Variants in SLC16A5 observed in about 807,000 individuals in gnomAD.
SLC16A5 encodes the protein solute carrier family 16 member 5, also known as monocarboxylate transporter 6.
A neutral mutation model predicts 33.2 loss-of-function variants in SLC16A5; 29 were observed. The ratio of observed to expected loss-of-function variants is 0.87; its 90% CI spans 0.65 to 1.19. SLC16A5 has a LOEUF of 1.19. Ranked by LOEUF, SLC16A5 falls within the 50% of genes most tolerant of loss-of-function variation. The pLI is 0.00. For synonymous variants in SLC16A5, 248 were observed against 284.1 expected (o/e 0.87, Z 1.28); for missense variants, 606 against 678.2 (o/e 0.89, Z 1.18).
downstream of SLC16A5, chr17:75,109,979 C>T (rs566864546): frequency 5.6e-4 from 181 of 323,504 alleles, no homozygotes; most frequent in African/African-American, 3.4e-3. This position sits in a 1 kb window ranked among gnomAD's most constrained non-coding sequence, Gnocchi z 5.0. Context: ...GGAACCGAGC[C>T]CAGGAGCCGG....
chr17:75,097,343 T>G (rs1186585661), intron 3 of SLC16A5, among the ~76,000 whole-genome samples: 1 of 151,892 alleles, frequency 6.6e-6, no homozygotes. Context: ...GGGTGTGGAT[T>G]GGTGAGAAAG....
chr17:75,088,312 G>A (rs948462722), intron 1 of SLC16A5, among the ~76,000 whole-genome samples: 1 of 151,672 alleles, frequency 6.6e-6, no homozygotes, highest in African/African-American at 2.4e-5. Context: ...GCCCCAACTC[G>A]GAGGAGCTCT....
At chr17:75,092,927 G>A (rs1321463872) in intron 2 of SLC16A5, among the ~76,000 whole-genome samples, 2 of 151,980 alleles carry the variant, frequency 1.3e-5, no homozygotes, top group Non-Finnish European at 2.9e-5. Flanking sequence ...GAGTGTTGCA[G>A]GGTAACTGCA....
chr17:75,091,899 A>G (rs1421902738), intron 2 of SLC16A5, among the ~76,000 whole-genome samples: 1 of 152,092 alleles, frequency 6.6e-6, no homozygotes, highest in African/African-American at 2.4e-5. Context: ...AAGGGGTCCA[A>G]ACTTGGTGAG....
intron 3 of SLC16A5, 23 bp downstream of exon 3, chr17:75,093,858 G>C: frequency 6.2e-7 from 1 of 1,607,424 alleles, no homozygotes; most frequent in Non-Finnish European, 8.5e-7. Context: ...GGGAGGGGCC[G>C]ATGAGAAAGT....
downstream of SLC16A5, chr17:75,109,854 C>T (rs550858977): frequency 5.1e-6 from 1 of 196,532 alleles, no homozygotes; most frequent in Non-Finnish European, 1.1e-5. The surrounding 1 kb of genome is among the most constrained non-coding windows in gnomAD (Gnocchi z 5.0). Flanking sequence ...CCAGCACAGG[C>T]TAAAGAGCTT....
chr17:75,093,751 A>T lies in SLC16A5; in HGVS notation c.115A>T (p.Thr39Ser), dbSNP rs142955756. ...CCCCACGTGTATCGGCATCTTCTTC[A>T]CTGAATTGCAATGGGAGTTCCAGGC... ...GFPTCIGIFF[T>S]ELQWEFQASN... The change falls in exon 3 of 7, where the codon ACT (threonine) becomes TCT (serine). Residue 39 changes from threonine to serine, a missense_variant. Transcript: ENST00000329783. 20 of 1,614,002 alleles carry T rather than the reference A, an allele frequency of 1.2e-5. No homozygotes were observed. The highest frequency in any genetic ancestry group is 1.7e-5 in the Non-Finnish European group (20 of 1,179,994).
In SLC16A5 at chr17:75,100,294, C is replaced by A. The variant is rs2073775761; in HGVS notation, c.631C>A (p.Pro211Thr). 9 of 1,614,244 alleles carry A rather than the reference C, an allele frequency of 5.6e-6. No individual in the cohort carries two copies. Among genetic ancestry groups the A allele is most frequent in the Non-Finnish European group, 7.6e-6 (9 of 1,180,038 alleles). Residue 211 changes from proline (P) to threonine (T), a missense_variant, in exon 5 of 7, where the codon CCT becomes ACT. By Grantham distance (38) the Pro-to-Thr change is conservative. Coordinates refer to ENST00000329783, the MANE Select transcript of SLC16A5 (RefSeq NM_004695.4). ...KECPPPPPET[P>T]ALGCLAACGR... ...ATGTCCCCCGCCACCTCCCGAGACACCTGCACTTGGCTGCCTGGCTGCATG... is the reference window on the plus strand; with the variant it reads ...ATGTCCCCCGCCACCTCCCGAGACAACTGCACTTGGCTGCCTGGCTGCATG...
intron 6 of SLC16A5, chr17:75,104,415 CTTTTTTTT>C: frequency 5.0e-6 from 5 of 1,004,180 alleles, no homozygotes; most frequent in Admixed American, 5.9e-5. Flanking sequence ...CTGAGAAACT[CTTTTTTTT>C]TTTTTTTTTT....
At chr17:75,091,144 A>G (rs988693503) in intron 2 of SLC16A5, among the ~76,000 whole-genome samples, 1 of 152,004 alleles carries the variant, frequency 6.6e-6, no homozygotes, top group African/African-American at 2.4e-5. Flanking sequence ...AGGCAGGAGG[A>G]AGCCAGGAAG....
intron 3 of SLC16A5, among the ~76,000 whole-genome samples, chr17:75,097,450 A>G (rs1171750213): frequency 6.6e-6 from 1 of 150,954 alleles, no homozygotes; most frequent in East Asian, 1.9e-4. Flanking sequence ...GGGAGGGGAG[A>G]ACCTACCCTG....
downstream of SLC16A5, among the ~76,000 whole-genome samples, chr17:75,106,930 C>T (rs533861804): frequency 1.3e-5 from 2 of 150,990 alleles, no homozygotes; most frequent in South Asian, 2.1e-4. Context: ...TTTGGGAGGT[C>T]AGAGCAGGAG....
intron 5 of SLC16A5, 118 bp downstream of exon 5, chr17:75,100,934 A>T: frequency 9.7e-7 from 1 of 1,029,428 alleles, no homozygotes; most frequent in Non-Finnish European, 1.4e-6. Flanking sequence ...CCAACCTGGC[A>T]CTCAGAGTAT....
At chr17:75,091,282 G>A (rs966247705) in intron 2 of SLC16A5, among the ~76,000 whole-genome samples, 7 of 152,210 alleles carry the variant, frequency 4.6e-5, no homozygotes, top group African/African-American at 7.2e-5. Flanking sequence ...ATCAGGTGGC[G>A]CCTGTGGCCT....
intron 2 of SLC16A5, among the ~76,000 whole-genome samples, chr17:75,090,995 T>C (rs1336758046): frequency 2.0e-5 from 3 of 152,190 alleles, no homozygotes; most frequent in African/African-American, 7.2e-5. Flanking sequence ...CATAGACTTC[T>C]TCCTGGCAGA....
At chr17:75,110,058 T>G, downstream of SLC16A5, 5 of 506,574 alleles carry the variant, frequency 9.9e-6, no homozygotes, top group East Asian at 3.5e-5. Context: ...CGCGCCCCAA[T>G]TTCGATTTTC....
intron 6 of SLC16A5, 86 bp from the exon 7 acceptor site, chr17:75,105,794 C>A (rs76143006): frequency 5.5e-5 from 79 of 1,447,484 alleles, no homozygotes; most frequent in Non-Finnish European, 6.9e-5. Context: ...GCAAGGGGTG[C>A]TCAGGTTCAG....
At chr17:75,106,230 C>T (rs1314849726), downstream of SLC16A5, 3 of 410,804 alleles carry the variant, frequency 7.3e-6, no homozygotes, top group Non-Finnish European at 1.3e-5. Flanking sequence ...AGCATCCTGA[C>T]GACTCCATTT....
downstream of SLC16A5, among the ~76,000 whole-genome samples, chr17:75,108,022 T>C (rs920870710): frequency 2.9e-4 from 44 of 151,816 alleles, no homozygotes; most frequent in African/African-American, 1.0e-3. Flanking sequence ...GAGAATCACT[T>C]GAATCTGAGG....
Sources: allele counts gnomAD v4.1 joint callset (sites outside exome capture counted in the v4.1 genomes callset), GRCh38; gene constraint gnomAD v4.1.1; non-coding constraint Gnocchi (gnomAD v3.1); transcripts MANE v1.5; gene names NCBI Gene and HGNC (gene_info 2026-07-23, HGNC 2026-07-21).